Variants in SLC24A5 observed in about 807,000 individuals in gnomAD.
SLC24A5 encodes the protein solute carrier family 24 member 5.
In SLC24A5, 46 loss-of-function variants were observed where a neutral mutation model predicts 51.6. The observed-to-expected ratio is 0.89, with a 90% CI of 0.70 to 1.14. The LOEUF (loss-of-function observed/expected upper bound fraction) is 1.14. Ranked by LOEUF, SLC24A5 falls within the 50% of genes most tolerant of loss-of-function variation. The pLI, the probability that SLC24A5 is intolerant of heterozygous loss-of-function variation, is 0.00. For missense variants in SLC24A5, 581 were observed against 604.1 expected, an observed-to-expected ratio of 0.96 and a Z score of 0.40; for synonymous variants, 230 against 214.9, an observed-to-expected ratio of 1.07 and a Z score of -0.62.
intron 6 of SLC24A5, chr15:48,137,578 T>C (rs996064480): frequency 1.3e-5 from 2 of 152,120 alleles, no homozygotes; most frequent in Non-Finnish European, 2.9e-5. Flanking sequence ...TAAGAGAGGC[T>C]ATTACAACAG....
Position 48,142,080 on chromosome 15 carries a change from T to C in SLC24A5, c.1232T>C (p.Met411Thr), listed in dbSNP as rs772752855. Residue 411 changes from methionine to threonine, a missense_variant, in exon 9 of 9, where the codon ATG becomes ACG. Transcript: ENST00000341459. ...SNIVGSNVFD[M>T]LCLGIPWFIK... ...ATCGTGGGATCCAATGTGTTTGATA[T>C]GTTGTGCCTTGGTATTCCATGGTTT... 1.9e-6 allele frequency: 3 copies of C among 1,613,802 alleles called. No individual in the cohort carries two copies. The highest frequency in any genetic ancestry group is 1.7e-5 in the Admixed American group (1 of 60,006).
intron 5 of SLC24A5, chr15:48,135,853 AC>A (rs2038885811): frequency 6.6e-6 from 1 of 152,146 alleles, no homozygotes; most frequent in Admixed American, 6.6e-5. Flanking sequence ...TCTCCCTAAG[AC>A]ACTGTGTTGG....
chr15:48,125,286 T>C (rs981617640), intron 2 of SLC24A5, among the ~76,000 whole-genome samples: 2 of 149,374 alleles, frequency 1.3e-5, no homozygotes, highest in African/African-American at 4.9e-5. Context: ...ATAATATATA[T>C]GATTTTATAT....
intron 2 of SLC24A5, among the ~76,000 whole-genome samples, chr15:48,131,134 C>T (rs879356531): frequency 1.3e-5 from 2 of 151,968 alleles, no homozygotes; most frequent in Admixed American, 6.6e-5. Context: ...AAATGAAAAA[C>T]AGTTAATTAC....
Position 48,142,578 on chromosome 15 carries a change from C to T in SLC24A5, c.*227C>T, listed in dbSNP as rs980142660. On this transcript the variant is annotated 3_prime_UTR_variant, in exon 9 of 9. Coordinates refer to ENST00000341459, the MANE Select transcript of SLC24A5 (RefSeq NM_205850.3). ...TTGGGGGGAAAAAATCTATGTTTTA[C>T]CATACAATAAGTTGACAAAAACTGG... 1.5e-5 allele frequency: 7 copies of T among 461,962 alleles called. No individual in the cohort carries two copies. The highest frequency in any genetic ancestry group is 1.4e-4 in the African/African-American group (7 of 49,978). The allele number at this position is 461,962 out of a possible 1,614,324, so 28.6% of individuals were successfully genotyped here.
Position 48,139,176 on chromosome 15 carries a change from G to A in SLC24A5, c.1078+1G>A, listed in dbSNP as rs1450652793. On this transcript the variant is annotated splice_donor_variant, in intron 7 of 8. Coordinates refer to ENST00000341459, the MANE Select transcript of SLC24A5 (RefSeq NM_205850.3). LOFTEE classifies it high-confidence loss of function. ...CTGGTTTGGATGGTCACAATAACTG[G>A]TATGTATTTTAAGTACAATAGCACA... The A allele has an allele frequency of 2.5e-5, 40 of 1,605,400 alleles. No individual in the cohort carries two copies. The highest frequency in any genetic ancestry group is 3.3e-5 in the Non-Finnish European group (39 of 1,173,930).
intron 2 of SLC24A5, among the ~76,000 whole-genome samples, chr15:48,133,225 C>A (rs188319774): frequency 6.6e-6 from 1 of 152,180 alleles, no homozygotes; most frequent in East Asian, 1.9e-4. Context: ...TCTTGAAAAC[C>A]CAAATTCTAG....
At chr15:48,130,290 G>T (rs2038776378) in intron 2 of SLC24A5, among the ~76,000 whole-genome samples, 1 of 151,982 alleles carries the variant, frequency 6.6e-6, no homozygotes, top group African/African-American at 2.4e-5. Flanking sequence ...TCACCCAAAA[G>T]GTCGAAGAAG....
At chr15:48,121,203 A>T (rs1567219250) in intron 1 of SLC24A5, 38 bp downstream of exon 1, 13 of 1,563,716 alleles carry the variant, frequency 8.3e-6, no homozygotes, top group African/African-American at 8.2e-5. Context: ...CTGCAGCAGC[A>T]GCTGCTGCTG....
chr15:48,134,159 T>C, intron 2 of SLC24A5, 99 bp from the exon 3 acceptor site: 8 of 1,013,410 alleles, frequency 7.9e-6, no homozygotes, highest in Non-Finnish European at 1.2e-5. Context: ...TTAATAGTGG[T>C]TTTATGTGAA....
intron 6 of SLC24A5, chr15:48,137,998 A>T (rs746997136): frequency 3.9e-5 from 6 of 152,106 alleles, no homozygotes; most frequent in Non-Finnish European, 7.4e-5. Context: ...ACTACTTAAA[A>T]TTTTAAAACA....
rs1339036646 is a variant in SLC24A5, at chr15:48,142,122, T to C, written c.1274T>C (p.Ile425Thr). Residue 425 changes from isoleucine to threonine, a missense_variant, in exon 9 of 9, where the codon ATA becomes ACA. Coordinates refer to ENST00000341459, the MANE Select transcript of SLC24A5 (RefSeq NM_205850.3). ...GIPWFIKTAF[I>T]NGSAPAEVNS... The stretch of plus-strand genomic sequence containing the variant: ...CCATGGTTTATTAAAACTGCATTTA[T>C]AAATGGATCAGCTCCTGCAGAAGTA... 1.9e-6 allele frequency: 3 copies of C among 1,613,878 alleles called. No homozygotes were observed. The highest frequency in any genetic ancestry group is 2.5e-6 in the Non-Finnish European group (3 of 1,179,848).
At chr15:48,141,855 A>C (rs2039101668) in intron 8 of SLC24A5, 174 bp from the exon 9 acceptor site, 1 of 449,776 alleles carries the variant, frequency 2.2e-6, no homozygotes, top group Admixed American at 3.8e-5. Context: ...AAGACTTTAA[A>C]TACTAACCCA....
chr15:48,124,817 GTGAT>G (rs1476037947), intron 2 of SLC24A5: 12 of 152,158 alleles, frequency 7.9e-5, no homozygotes, highest in Admixed American at 2.6e-4. Flanking sequence ...TTACAGATGT[GTGAT>G]TGATGAATAT....
intron 2 of SLC24A5, chr15:48,123,320 T>G (rs1472787157): frequency 6.6e-6 from 1 of 152,044 alleles, no homozygotes; most frequent in East Asian, 1.9e-4. Flanking sequence ...ATTAATGAAA[T>G]ACAAGAAAAA....
In SLC24A5 at chr15:48,134,556, T is replaced by G. The variant is rs1597258380; in HGVS notation, c.489+18T>G. The G allele has an allele frequency of 6.3e-7, 1 of 1,577,838 alleles. No individual in the cohort carries two copies. On this transcript the variant is annotated intron_variant, in intron 4 of 8. Coordinates refer to ENST00000341459, the MANE Select transcript of SLC24A5 (RefSeq NM_205850.3). Reference sequence around the variant, plus strand: ...CTAATACGGTATGTAACAAAACCATTCAACAAAATGTATTGTCTTAAAAAA... The same window carrying G: ...CTAATACGGTATGTAACAAAACCATGCAACAAAATGTATTGTCTTAAAAAA...
chr15:48,127,080 C>A (rs2038739932), intron 2 of SLC24A5, among the ~76,000 whole-genome samples: 1 of 152,136 alleles, frequency 6.6e-6, no homozygotes, highest in African/African-American at 2.4e-5. Context: ...CCCGGCTCTG[C>A]CATTTGCTAG....
intron 6 of SLC24A5, chr15:48,137,322 C>T: frequency 5.4e-6 from 1 of 183,512 alleles, no homozygotes; most frequent in Non-Finnish European, 1.1e-5. Context: ...ATGTTATGAC[C>T]AATAAGTAGC....
intron 2 of SLC24A5, among the ~76,000 whole-genome samples, chr15:48,131,962 A>T (rs2038794921): frequency 6.6e-6 from 1 of 152,114 alleles, no homozygotes; most frequent in Admixed American, 6.5e-5. Context: ...AAAATTAATG[A>T]CTGGAGCTGG....
Sources: gnomAD v4.1 joint callset for allele counts (sites outside exome capture counted in the v4.1 genomes callset) on GRCh38, gnomAD v4.1.1 for gene constraint, MANE v1.5 for transcripts, NCBI Gene and HGNC (gene_info 2026-07-23, HGNC 2026-07-21) for gene names.